ATP9B: variants seen among roughly 807,000 people sequenced by gnomAD.
The protein encoded by ATP9B is probable phospholipid-transporting ATPase IIB.
ATP9B carries 110 observed loss-of-function variants against 146.1 expected under a neutral mutation model. The observed-to-expected ratio is 0.75, with a 90% confidence interval of 0.65 to 0.88. The LOEUF (loss-of-function observed/expected upper bound fraction) is 0.88, where lower values mean the gene tolerates loss of function less well. Ranked by LOEUF, ATP9B falls within the 40% of genes least tolerant of loss-of-function variation. The pLI, the probability that ATP9B is intolerant of heterozygous loss-of-function variation, is 0.00. For missense variants in ATP9B, 1,499 were observed against 1,496.4 expected (o/e 1.00, Z -0.03); for synonymous variants, 604 against 569.7 (o/e 1.06, Z -0.86).
At chr18:79,326,857 C>T (rs1427175816) in intron 15 of ATP9B, among the ~76,000 whole-genome samples, 1 of 151,576 alleles carries the variant, frequency 6.6e-6, no homozygotes, top group East Asian at 1.9e-4. Context: ...CTCCTGGTGG[C>T]CTCCCTGTGC....
chr18:79,360,261 C>T (rs192390332), intron 26 of ATP9B: 17 of 152,316 alleles, frequency 1.1e-4, no homozygotes, highest in Admixed American at 1.1e-3. Context: ...AAACAAAATC[C>T]ACTAACCGCA....
At chr18:79,314,520 CT>C (rs1381701199) in intron 15 of ATP9B, among the ~76,000 whole-genome samples, 2 of 152,050 alleles carry the variant, frequency 1.3e-5, no homozygotes, top group Non-Finnish European at 2.9e-5. Context: ...TGTGATGTGT[CT>C]TGTGTGGTAT....
At chr18:79,325,942 G>T (rs1001813096) in intron 15 of ATP9B, among the ~76,000 whole-genome samples, 2 of 144,042 alleles carry the variant, frequency 1.4e-5, no homozygotes, top group Non-Finnish European at 3.0e-5. Context: ...CCCTCACATG[G>T]TGTTAGGGTG....
At chr18:79,070,864 T>TA (rs1397926101) in intron 1 of ATP9B, among the ~76,000 whole-genome samples, 1 of 152,230 alleles carries the variant, frequency 6.6e-6, no homozygotes, top group Non-Finnish European at 1.5e-5. Context: ...GCTTTCAACT[T>TA]ACCTATGTTG....
intron 15 of ATP9B, among the ~76,000 whole-genome samples, chr18:79,327,504 C>G (rs1310292548): frequency 1.6e-5 from 2 of 123,788 alleles, no homozygotes; most frequent in Non-Finnish European, 3.3e-5. Context: ...GGTTAGTGTG[C>G]TCTCTCCATG....
At chr18:79,335,141 C>T (rs2096816612) in intron 17 of ATP9B, among the ~76,000 whole-genome samples, 1 of 152,230 alleles carries the variant, frequency 6.6e-6, no homozygotes, top group African/African-American at 2.4e-5. Context: ...CTGCCAGATT[C>T]TCTCCGCTGG....
intron 7 of ATP9B, among the ~76,000 whole-genome samples, chr18:79,161,806 A>G (rs2094886481): frequency 6.6e-6 from 1 of 152,184 alleles, no homozygotes; most frequent in South Asian, 2.1e-4. Context: ...AGTTCGCACC[A>G]CTGCACTCCA....
intron 6 of ATP9B, among the ~76,000 whole-genome samples, chr18:79,154,163 A>T (rs1018587678): frequency 6.6e-6 from 1 of 150,988 alleles, no homozygotes; most frequent in Non-Finnish European, 1.5e-5. Flanking sequence ...AGGTTTCACC[A>T]TGTCAGCCAG....
intron 11 of ATP9B, among the ~76,000 whole-genome samples, chr18:79,249,228 G>A (rs1474480420): frequency 1.3e-5 from 2 of 152,290 alleles, no homozygotes; most frequent in Middle Eastern, 3.4e-3. Context: ...ATGGATTTGT[G>A]ATCGTTGCCA....
chr18:79,211,685 G>T (rs1156582951), intron 10 of ATP9B, among the ~76,000 whole-genome samples: 2 of 152,070 alleles, frequency 1.3e-5, no homozygotes, highest in Non-Finnish European at 2.9e-5. Flanking sequence ...TGTTGTCTTG[G>T]GATAAATGAA....
rs117368095 is a variant in ATP9B, at chr18:79,367,532, A to G, written c.3013-5293A>G. Among the ~76,000 whole-genome samples, 1,614 of 151,164 alleles carry G rather than the reference A, an allele frequency of 0.011. 63 individuals are homozygous for G. In the East Asian group the frequency reaches 0.14, roughly 13 times the overall value. On this transcript the variant is annotated intron_variant, in intron 26 of 29. Coordinates refer to ENST00000426216, the MANE Select transcript of ATP9B (RefSeq NM_198531.5). ...AAGTGCCTCCTCAACCAGAGAGCACACAGATATCTTCACCTCCACCATGTG... is the reference window on the plus strand; with the variant it reads ...AAGTGCCTCCTCAACCAGAGAGCACGCAGATATCTTCACCTCCACCATGTG...
intron 26 of ATP9B, among the ~76,000 whole-genome samples, chr18:79,368,195 A>G (rs539160249): frequency 2.5e-4 from 38 of 152,372 alleles, no homozygotes; most frequent in Admixed American, 6.5e-4. Context: ...AGGCAAAATG[A>G]TTAGAAAACG....
At chr18:79,181,718 A>G (rs2095254334) in intron 8 of ATP9B, among the ~76,000 whole-genome samples, 1 of 151,982 alleles carries the variant, frequency 6.6e-6, no homozygotes, top group Admixed American at 6.5e-5. Context: ...GAATTTTGTT[A>G]TTCTGAGTGT....
rs900745297 is a variant in ATP9B at position 79,336,026 on chromosome 18, C to T, written c.2029-602C>T. Among the ~76,000 whole-genome samples, 236 of 150,956 alleles carry T rather than the reference C, an allele frequency of 1.6e-3. 1 individual carries two copies. Among genetic ancestry groups the T allele is most frequent in the African/African-American group, 5.2e-3 (213 of 40,926 alleles). The stretch of plus-strand genomic sequence containing the variant: ...CGCTCCCCTCGCCCGTCCCCAGCAC[C>T]GCCGTGTGCACCCTCCATGCCCTCC... On this transcript the variant is annotated intron_variant, in intron 17 of 29. Coordinates refer to ENST00000426216, the MANE Select transcript of ATP9B (RefSeq NM_198531.5).
intron 12 of ATP9B, chr18:79,254,758 C>A (rs553524614): frequency 1.3e-5 from 2 of 152,654 alleles, no homozygotes; most frequent in African/African-American, 4.8e-5. Context: ...CAGCTGCTTC[C>A]CACCCTAGCT....
At chr18:79,128,877 T>A (rs1454686346) in intron 5 of ATP9B, among the ~76,000 whole-genome samples, 1 of 152,162 alleles carries the variant, frequency 6.6e-6, no homozygotes, top group Non-Finnish European at 1.5e-5. Context: ...AATTGCTGCA[T>A]CCAGAGAAAG....
intron 17 of ATP9B, among the ~76,000 whole-genome samples, chr18:79,336,279 T>G (rs1460231959): frequency 1.3e-5 from 2 of 152,180 alleles, no homozygotes; most frequent in Non-Finnish European, 2.9e-5. Flanking sequence ...AGTGGTGGTG[T>G]TTAAGGATTC....
intron 10 of ATP9B, among the ~76,000 whole-genome samples, chr18:79,208,983 C>T (rs1257448403): frequency 6.6e-6 from 1 of 152,190 alleles, no homozygotes; most frequent in East Asian, 1.9e-4. Flanking sequence ...ACCTGCCCTC[C>T]AGCCTTCTTC....
chr18:79,329,421 G>GT, intron 16 of ATP9B, 119 bp downstream of exon 16: 1 of 1,078,658 alleles, frequency 9.3e-7, no homozygotes, highest in South Asian at 2.4e-5. Flanking sequence ...TGCTGTTACA[G>GT]TTTTGTTTGT....
Sources: allele counts gnomAD v4.1 joint callset (sites outside exome capture counted in the v4.1 genomes callset), GRCh38; gene constraint gnomAD v4.1.1; transcripts MANE v1.5; gene names NCBI Gene and HGNC (gene_info 2026-07-23, HGNC 2026-07-21).